ETV6: variants seen among roughly 807,000 people sequenced by gnomAD.
The protein encoded by ETV6 is transcription factor ETV6.
In ETV6, 16 loss-of-function variants were observed where a neutral mutation model predicts 51.1. The ratio of observed to expected loss-of-function variants is 0.31; its 90% confidence interval spans 0.21 to 0.48. The LOEUF (loss-of-function observed/expected upper bound fraction) is 0.48. ETV6 is among the 20% of genes least tolerant of loss of function. The probability of loss-of-function intolerance (pLI) is 0.99; values close to 1 mark genes in which losing one functional copy is unlikely to be tolerated. For missense variants in ETV6, 458 were observed against 594.8 expected, an observed-to-expected ratio of 0.77 and a Z score of 2.39; for synonymous variants, 240 against 224.1, an observed-to-expected ratio of 1.07 and a Z score of -0.64.
intron 6 of ETV6, among the ~76,000 whole-genome samples, chr12:11,885,520 C>G (rs1216447823): frequency 6.6e-6 from 1 of 152,056 alleles, no homozygotes; most frequent in Non-Finnish European, 1.5e-5. Flanking sequence ...GAGAAAAGGT[C>G]ATTGCAACAA....
Position 11,891,772 on chromosome 12 carries a change from C to A in ETV6, c.*726C>A. ...TGGAGAGTCTTGGGGATTGTTGGCA[C>A]CTAAACAGAATCAGTGACCCGGGTG... is the stretch of plus-strand genomic sequence containing the variant. On this transcript the variant is annotated 3_prime_UTR_variant, in exon 8 of 8. Transcript: ENST00000396373. 8.2e-6 allele frequency: 3 copies of A among 364,528 alleles called. No individual in the cohort carries two copies. Among genetic ancestry groups the A allele is most frequent in the Non-Finnish European group, 1.6e-5 (3 of 187,872 alleles). 22.6% of individuals were successfully genotyped at this position (364,528 alleles called of 1,614,324 possible).
chr12:11,885,735 A>G (rs1189801204), intron 6 of ETV6, among the ~76,000 whole-genome samples, 191 bp from the exon 7 acceptor site: 1 of 152,224 alleles, frequency 6.6e-6, no homozygotes, highest in Non-Finnish European at 1.5e-5. Flanking sequence ...GTGACAGTGA[A>G]TATAAAAAGC....
chr12:11,661,487 AGTGGG>A (rs1430755531), intron 1 of ETV6, among the ~76,000 whole-genome samples: 1 of 152,236 alleles, frequency 6.6e-6, no homozygotes, highest in Non-Finnish European at 1.5e-5. Flanking sequence ...CTTTATTCAA[AGTGGG>A]GTGAACCCAG....
intron 1 of ETV6, among the ~76,000 whole-genome samples, chr12:11,708,800 T>C (rs1199994531): frequency 1.3e-5 from 2 of 152,346 alleles, no homozygotes; most frequent in Non-Finnish European, 2.9e-5. Flanking sequence ...TCATCTTGCT[T>C]TTCAGCCATC....
chr12:11,728,874 G>A (rs1283664063), intron 1 of ETV6, among the ~76,000 whole-genome samples: 6 of 152,128 alleles, frequency 3.9e-5, no homozygotes, highest in South Asian at 2.1e-4. Flanking sequence ...CCAGTTACCC[G>A]TATCTGACTT....
At chr12:11,711,446 AGT>A (rs1483251099) in intron 1 of ETV6, among the ~76,000 whole-genome samples, 4 of 152,182 alleles carry the variant, frequency 2.6e-5, no homozygotes, top group Non-Finnish European at 5.9e-5. Context: ...ATCCCATTTA[AGT>A]GTGGAAACTT....
At chr12:11,716,270 G>A (rs749337190) in intron 1 of ETV6, among the ~76,000 whole-genome samples, 1 of 134,396 alleles carries the variant, frequency 7.4e-6, no homozygotes, top group Non-Finnish European at 1.5e-5. Flanking sequence ...GGCTGAGCTT[G>A]CAGTGAGCGG....
At chr12:11,652,678 G>A (rs1863928613) in intron 1 of ETV6, among the ~76,000 whole-genome samples, 1 of 152,186 alleles carries the variant, frequency 6.6e-6, no homozygotes, top group African/African-American at 2.4e-5. Flanking sequence ...CAGTTCCTCA[G>A]CGGCTGGTGA....
In ETV6 at chr12:11,891,658, C is replaced by G. The variant is rs886592800; in HGVS notation, c.*612C>G. On this transcript the variant is annotated 3_prime_UTR_variant, in exon 8 of 8. Coordinates refer to ENST00000396373, the MANE Select transcript of ETV6 (RefSeq NM_001987.5). ...GAAAAGGAGAGCTCTCTTTTTCTCT[C>G]TCTTGCTCTGTTCTTCCCTTGGTCC... 4 of 521,168 alleles carry G rather than the reference C, an allele frequency of 7.7e-6. No individual in the cohort carries two copies. The highest frequency in any genetic ancestry group is 1.9e-5 in the African/African-American group (1 of 52,560). The allele number at this position is 521,168 out of a possible 1,614,324, so 32.3% of individuals were successfully genotyped here.
At position 11,895,240 on chromosome 12, in the gene ETV6, T is replaced by C. The variant is rs2136629939; in HGVS notation, c.*4194T>C. ...TGTTTAGTTTCTAATCTCTTGTTTA[T>C]GAGGTGTGGGGTTTATAAGGGACTG... On this transcript the variant is annotated 3_prime_UTR_variant, in exon 8 of 8. Coordinates refer to ENST00000396373, the MANE Select transcript of ETV6 (RefSeq NM_001987.5). 4.3e-6 allele frequency: 1 copy of C among 231,552 alleles called. No homozygotes were observed. The highest frequency in any genetic ancestry group is 2.2e-5 in the African/African-American group (1 of 44,798). The allele number at this position is 231,552 out of a possible 1,614,324, so 14.3% of individuals were successfully genotyped here. A position where few individuals can be genotyped will look rare whatever the true frequency, so the allele number is the denominator to read the frequency against.
chr12:11,890,790 A>G, intron 7 of ETV6, 151 bp from the exon 8 acceptor site: 1 of 694,548 alleles, frequency 1.4e-6, no homozygotes, highest in Non-Finnish European at 2.6e-6. Flanking sequence ...CCTTTTCCTA[A>G]TTTGCACTAA....
chr12:11,715,692 C>T (rs1467151350), intron 1 of ETV6, among the ~76,000 whole-genome samples: 1 of 152,176 alleles, frequency 6.6e-6, no homozygotes, highest in South Asian at 2.1e-4. Context: ...TTTTTGGATG[C>T]AGTTTTGTTT....
intron 3 of ETV6, among the ~76,000 whole-genome samples, chr12:11,845,688 G>T (rs1332206218): frequency 6.6e-6 from 1 of 152,088 alleles, no homozygotes; most frequent in African/African-American, 2.4e-5. Context: ...TGCACTGAAT[G>T]GAATGCTTAG....
intron 5 of ETV6, among the ~76,000 whole-genome samples, chr12:11,882,618 CGTT>C (rs1354637309): frequency 2.6e-5 from 4 of 152,152 alleles, no homozygotes; most frequent in Admixed American, 1.3e-4. Flanking sequence ...CACTAAATAC[CGTT>C]GTTATTTTTA....
chr12:11,846,817 A>G (rs1365641429), intron 3 of ETV6, among the ~76,000 whole-genome samples: 1 of 152,178 alleles, frequency 6.6e-6, no homozygotes, highest in Non-Finnish European at 1.5e-5. Context: ...AGGATTTTAC[A>G]TGTTTGTTTG....
At chr12:11,803,591 T>C (rs1945783858) in intron 2 of ETV6, among the ~76,000 whole-genome samples, 1 of 152,176 alleles carries the variant, frequency 6.6e-6, no homozygotes, top group African/African-American at 2.4e-5. Context: ...TTATAAAGGA[T>C]AGGAAAAATA....
At chr12:11,657,185 T>C (rs971334666) in intron 1 of ETV6, among the ~76,000 whole-genome samples, 5 of 152,288 alleles carry the variant, frequency 3.3e-5, no homozygotes, top group Middle Eastern at 3.4e-3. Flanking sequence ...TCAGAGAGCA[T>C]TATCCAAATT....
intron 2 of ETV6, among the ~76,000 whole-genome samples, chr12:11,816,285 C>T (rs1336398714): frequency 2.6e-5 from 4 of 152,216 alleles, no homozygotes; most frequent in Non-Finnish European, 4.4e-5. Flanking sequence ...CTCGCTGTCA[C>T]CCAGGCTGGA....
chr12:11,887,608 C>T (rs973854332), intron 7 of ETV6, among the ~76,000 whole-genome samples: 4 of 151,894 alleles, frequency 2.6e-5, no homozygotes, highest in Admixed American at 2.0e-4. Flanking sequence ...ATTAGCTGAG[C>T]GTAGTGGCAT....
Sources: gnomAD v4.1 joint callset for allele counts (sites outside exome capture counted in the v4.1 genomes callset) on GRCh38, gnomAD v4.1.1 for gene constraint, MANE v1.5 for transcripts, NCBI Gene and HGNC (gene_info 2026-07-23, HGNC 2026-07-21) for gene names.